The following RAB37 variants were observed in gnomAD, a reference collection of about 807,000 sequenced individuals.
RAB37 encodes ras-related protein Rab-37.
Under a neutral mutation model 33.1 loss-of-function variants are expected in RAB37, and 29 were observed. The observed-to-expected ratio is 0.88, with a 90% confidence interval of 0.65 to 1.20. The LOEUF (loss-of-function observed/expected upper bound fraction) is 1.20, where lower values mean the gene tolerates loss of function less well. Among genes scored for constraint, RAB37 ranks in the 50% most tolerant of loss-of-function variants. RAB37 has a pLI of 0.00. For missense variants in RAB37, 299 were observed against 301.1 expected, an observed-to-expected ratio of 0.99 and a Z score of 0.05; for synonymous variants, 128 against 119.5, an observed-to-expected ratio of 1.07 and a Z score of -0.47.
chr17:74,744,202 G>T lies in RAB37; in HGVS notation c.367-106G>T, dbSNP rs1205268026. The T allele has an allele frequency of 2.8e-6, 3 of 1,079,334 alleles. No individual in the cohort carries two copies. Among genetic ancestry groups the T allele is most frequent in the East Asian group, 2.4e-5 (1 of 41,748 alleles). 66.9% of individuals were successfully genotyped at this position (1,079,334 alleles called of 1,614,324 possible). The stretch of plus-strand genomic sequence containing the variant: ...AGGTACAGATGAGAGAACGCACAGG[G>T]TATCGTGTTCAAGGTAGTGAGTAAC... On this transcript the variant is annotated intron_variant, in intron 5 of 8. Coordinates refer to ENST00000392613, the MANE Select transcript of RAB37 (RefSeq NM_001006638.3). This position sits in a 1 kb window ranked among gnomAD's most constrained non-coding sequence, Gnocchi z 4.2.
chr17:74,705,153 C>A (rs1026460951), intron 1 of RAB37: 1 of 689,864 alleles, frequency 1.4e-6, no homozygotes, highest in African/African-American at 1.8e-5. Context: ...TTGTGTTAGT[C>A]CAGTGTGGTG....
intron 1 of RAB37, among the ~76,000 whole-genome samples, chr17:74,690,616 C>T (rs2032141432): frequency 6.6e-6 from 1 of 152,166 alleles, no homozygotes; most frequent in Admixed American, 6.5e-5. Context: ...GTATATCTGC[C>T]TCCCTCCTCT....
chr17:74,681,609 A>G (rs971234757), intron 1 of RAB37, among the ~76,000 whole-genome samples: 1 of 152,216 alleles, frequency 6.6e-6, no homozygotes, highest in African/African-American at 2.4e-5. Context: ...GGCTTGGGAA[A>G]ACAGAGGGGC....
At position 74,740,756 on chromosome 17, in the gene RAB37, C is replaced by A. The variant is rs2034592732; in HGVS notation, c.94-12C>A. 6.3e-7 allele frequency: 1 copy of A among 1,599,524 alleles called. No homozygotes were observed. On this transcript the variant is annotated splice_polypyrimidine_tract_variant and intron_variant, in intron 1 of 8. Coordinates refer to ENST00000392613, the MANE Select transcript of RAB37 (RefSeq NM_001006638.3). ...TGACTCCCCATTAACTGCCTCTGCC[C>A]CTACCCCCTAGGTGATGCTTCTGGG...
At chr17:74,715,553 G>T (rs967573870) in intron 1 of RAB37, among the ~76,000 whole-genome samples, 1 of 152,170 alleles carries the variant, frequency 6.6e-6, no homozygotes, top group Non-Finnish European at 1.5e-5. Context: ...CCAGGAATGG[G>T]GGCTGCCCTG....
intron 1 of RAB37, among the ~76,000 whole-genome samples, chr17:74,683,296 G>T (rs2031990109): frequency 6.6e-6 from 1 of 152,224 alleles, no homozygotes; most frequent in Non-Finnish European, 1.5e-5. Flanking sequence ...ATCCAGGGAA[G>T]AGGTTGATTG....
At chr17:74,737,214 G>GGGGGGGGGGGGGGGGGGGGGCC, upstream of RAB37, 1 of 1,244,946 alleles carries the variant, frequency 8.0e-7, no homozygotes, top group Non-Finnish European at 1.1e-6. Flanking sequence ...CGGGGGTGGG[G>GGGGGGGGGGGGGGGGGGGGGCC]CCGTTCCTGC....
intron 1 of RAB37, among the ~76,000 whole-genome samples, chr17:74,737,612 C>G (rs2034511920): frequency 6.6e-6 from 1 of 152,150 alleles, no homozygotes. Flanking sequence ...CAGTTCTCTT[C>G]TGCCACACTC....
intron 1 of RAB37, among the ~76,000 whole-genome samples, chr17:74,717,763 C>T (rs1004958590): frequency 2.0e-4 from 29 of 147,308 alleles, no homozygotes; most frequent in Non-Finnish European, 3.4e-4. Flanking sequence ...GAGCCAAGAT[C>T]GTACCATTGC....
chr17:74,738,731 G>A lies in RAB37; in HGVS notation c.93+1366G>A, dbSNP rs771439845. Among the ~76,000 whole-genome samples the A allele has an allele frequency of 1.3e-4, 20 of 152,258 alleles. No individual in the cohort carries two copies. Among genetic ancestry groups the A allele is most frequent in the African/African-American group, 4.3e-4 (18 of 41,558 alleles). Reference sequence around the variant, plus strand: ...GTTCCCTGGCCAAGCGGCATTGGCCGGAGAGTTGGTCCCCAGCCTCCCCGG... The same window carrying A: ...GTTCCCTGGCCAAGCGGCATTGGCCAGAGAGTTGGTCCCCAGCCTCCCCGG... On this transcript the variant is annotated intron_variant, in intron 1 of 8. Coordinates refer to ENST00000392613, the MANE Select transcript of RAB37 (RefSeq NM_001006638.3). The surrounding 1 kb of genome is among the most constrained non-coding windows in gnomAD (Gnocchi z 5.0).
In RAB37 at chr17:74,698,478, G is replaced by A. The variant is rs752567498; in HGVS notation, c.72+26820G>A. On this transcript the variant is annotated intron_variant, in intron 1 of 7. Transcript: ENST00000340415. ...GGAGGACACTGAGCTTCAGGAGCTT[G>A]TGCCTAGAAACAATGGCAAGCGTCC... 17 of 1,613,144 alleles carry A rather than the reference G, an allele frequency of 1.1e-5. No individual in the cohort carries two copies. The East Asian group carries it at 3.3e-4, about 32-fold the overall frequency.
chr17:74,735,061 G>GAAAGAAAGAA (rs1555594315), upstream of RAB37, among the ~76,000 whole-genome samples: 26 of 105,682 alleles, frequency 2.5e-4, no homozygotes, highest in Non-Finnish European at 4.1e-4. Context: ...AAGAAAGAAA[G>GAAAGAAAGAA]AGAAAGAAAG....
In RAB37 at chr17:74,737,332, G is replaced by T; in HGVS notation, c.60G>T (p.Pro20=). 2 of 1,577,884 alleles carry T rather than the reference G, an allele frequency of 1.3e-6. No individual in the cohort carries two copies. The highest frequency in any genetic ancestry group is 1.7e-6 in the Non-Finnish European group (2 of 1,169,256). The change falls in exon 1 of 9, where the codon CCG becomes CCT. Residue 20 remains proline (P), a synonymous_variant. Transcript: ENST00000392613. The part of the protein sequence containing the change: ...TRDGEAPERS[P]PCSPSYDLTG... ...ATGGCGAGGCCCCCGAGCGCTCCCCGCCCTGCAGTCCGAGCTACGACCTCA... is the reference window on the plus strand; with the variant it reads ...ATGGCGAGGCCCCCGAGCGCTCCCCTCCCTGCAGTCCGAGCTACGACCTCA...
chr17:74,698,337 G>C (rs1049756137), intron 1 of RAB37: 2 of 1,492,040 alleles, frequency 1.3e-6, no homozygotes, highest in Admixed American at 3.4e-5. Context: ...ACCCGGCCCA[G>C]TCTCAGCCCA....
chr17:74,717,466 G>A (rs181987860), intron 1 of RAB37, among the ~76,000 whole-genome samples: 1 of 152,278 alleles, frequency 6.6e-6, no homozygotes, highest in East Asian at 1.9e-4. Flanking sequence ...GAGTAACTAG[G>A]TCAGGAGAGT....
chr17:74,734,661 T>C (rs1303068729), upstream of RAB37, among the ~76,000 whole-genome samples: 1 of 152,016 alleles, frequency 6.6e-6, no homozygotes, highest in African/African-American at 2.4e-5. Flanking sequence ...CTGGCCAACA[T>C]GGTGAAACCC....
intron 1 of RAB37, among the ~76,000 whole-genome samples, chr17:74,678,260 G>A (rs2031883466): frequency 6.6e-6 from 1 of 152,146 alleles, no homozygotes; most frequent in South Asian, 2.1e-4. Flanking sequence ...ACCAGAGGAG[G>A]TTTTCTGGGG....
In RAB37 at chr17:74,745,642, A is replaced by C. The variant is rs562250430; in HGVS notation, c.*231A>C. 16 of 445,794 alleles carry C rather than the reference A, an allele frequency of 3.6e-5. No homozygotes were observed. Among genetic ancestry groups the C allele is most frequent in the African/African-American group, 3.0e-4 (15 of 49,368 alleles). 27.6% of individuals were successfully genotyped at this position (445,794 alleles called of 1,614,324 possible). A position where few individuals can be genotyped will look rare whatever the true frequency, so the allele number is the denominator to read the frequency against. On this transcript the variant is annotated 3_prime_UTR_variant, in exon 9 of 9. Transcript: ENST00000392613. This position sits in a 1 kb window ranked among gnomAD's most constrained non-coding sequence, Gnocchi z 4.5. ...CTTTTATTTTAATAGTACATAATTT[A>C]ATACCAAAAAAGGCGCCTGGATCCC...
chr17:74,732,556 GAGGGGTTAGGTGT>G, upstream of RAB37, among the ~76,000 whole-genome samples: 1 of 144,890 alleles, frequency 6.9e-6, no homozygotes. Flanking sequence ...GGTGTGATTT[GAGGGGTTAGGTGT>G]GTGTGGTGTG....
Sources: gnomAD v4.1 joint callset for allele counts (sites outside exome capture counted in the v4.1 genomes callset) on GRCh38, gnomAD v4.1.1 for gene constraint, Gnocchi (gnomAD v3.1) non-coding constraint, MANE v1.5 for transcripts, NCBI Gene and HGNC (gene_info 2026-07-23, HGNC 2026-07-21) for gene names.